LRP1B: variants seen among roughly 807,000 people sequenced by gnomAD.
LRP1B encodes the protein LDL receptor related protein 1B.
LRP1B carries 217 observed loss-of-function variants against 556.6 expected under a neutral mutation model. The observed-to-expected ratio is 0.39, with a 90% CI of 0.35 to 0.44. The LOEUF is 0.44. LRP1B is among the 20% of genes least tolerant of loss of function. The probability of loss-of-function intolerance (pLI) is 1.00; values close to 1 mark genes in which losing one functional copy is unlikely to be tolerated. For missense variants in LRP1B, 5,053 were observed against 5,620.8 expected (o/e 0.90, Z 3.23); for synonymous variants, 2,047 against 1,865.8 (o/e 1.10, Z -2.50).
intron 41 of LRP1B, among the ~76,000 whole-genome samples, chr2:140,682,109 T>G (rs1685880152): frequency 6.6e-6 from 1 of 152,202 alleles, no homozygotes; most frequent in South Asian, 2.1e-4. Context: ...TATTAACAAC[T>G]GTAAAACAGT....
intron 3 of LRP1B, among the ~76,000 whole-genome samples, chr2:141,370,641 T>G (rs1689196695): frequency 6.6e-6 from 1 of 152,182 alleles, no homozygotes; most frequent in African/African-American, 2.4e-5. Context: ...GTGCAGAAGC[T>G]TTTTTGTTTA....
intron 32 of LRP1B, 44 bp from the exon 33 acceptor site, chr2:140,776,282 T>A (rs543565927): frequency 7.9e-6 from 10 of 1,263,990 alleles, no homozygotes; most frequent in Middle Eastern, 2.7e-4. Context: ...TATAATTATC[T>A]TATTAAATAA....
chr2:141,871,429 C>A (rs1221049315), intron 1 of LRP1B, among the ~76,000 whole-genome samples: 2 of 151,872 alleles, frequency 1.3e-5, no homozygotes, highest in African/African-American at 4.8e-5. Context: ...GTTTTTAAAT[C>A]TAATAGGCAA....
intron 23 of LRP1B, among the ~76,000 whole-genome samples, chr2:140,891,779 CA>C (rs1341906125): frequency 6.6e-6 from 1 of 152,104 alleles, no homozygotes; most frequent in Non-Finnish European, 1.5e-5. Flanking sequence ...AAGTATTGTT[CA>C]AACTTGTACA....
chr2:140,867,286 C>A (rs934993858), intron 27 of LRP1B, among the ~76,000 whole-genome samples: 2 of 151,900 alleles, frequency 1.3e-5, no homozygotes, highest in African/African-American at 4.8e-5. Flanking sequence ...TGTACCACCC[C>A]CTCTCTTCCC....
At chr2:142,096,198 C>T (rs1383483185) in intron 1 of LRP1B, among the ~76,000 whole-genome samples, 1 of 151,614 alleles carries the variant, frequency 6.6e-6, no homozygotes, top group East Asian at 1.9e-4. Context: ...AGAAATTTAT[C>T]AGTTTTGTGG....
intron 55 of LRP1B, among the ~76,000 whole-genome samples, chr2:140,500,010 C>T (rs766103341): frequency 6.6e-6 from 1 of 151,806 alleles, no homozygotes; most frequent in Non-Finnish European, 1.5e-5. Context: ...TTCTTTTCTG[C>T]TTCACTGGTT....
At chr2:141,969,919 T>A (rs1411522577) in intron 1 of LRP1B, among the ~76,000 whole-genome samples, 2 of 151,608 alleles carry the variant, frequency 1.3e-5, no homozygotes, top group Non-Finnish European at 3.0e-5. Context: ...GGGCTCTTTT[T>A]TTTTCCACAC....
intron 3 of LRP1B, among the ~76,000 whole-genome samples, chr2:141,278,259 G>A (rs578023519): frequency 2.6e-5 from 4 of 152,252 alleles, no homozygotes; most frequent in Non-Finnish European, 5.9e-5. Context: ...GTCACCTTGA[G>A]ATTATCCAAA....
At chr2:140,356,258 C>T (rs1231085481) in intron 75 of LRP1B, 84 bp downstream of exon 75, 1 of 1,344,324 alleles carries the variant, frequency 7.4e-7, no homozygotes. Context: ...AAAGTCAATC[C>T]CCTGTGATCT....
At chr2:140,898,757 C>G (rs1694019927) in intron 23 of LRP1B, 6 of 578,362 alleles carry the variant, frequency 1.0e-5, no homozygotes, top group African/African-American at 1.9e-5. Flanking sequence ...CCCTCAAGAC[C>G]CTGAGCCTCT....
chr2:141,867,717 C>G (rs1389627840), intron 1 of LRP1B, among the ~76,000 whole-genome samples: 1 of 152,062 alleles, frequency 6.6e-6, no homozygotes, highest in Admixed American at 6.6e-5. Flanking sequence ...AAAGGTAAGA[C>G]TTTTTCCAGT....
intron 35 of LRP1B, among the ~76,000 whole-genome samples, chr2:140,745,006 T>C (rs1249031099): frequency 6.6e-6 from 1 of 152,134 alleles, no homozygotes; most frequent in Non-Finnish European, 1.5e-5. Context: ...CTATTTACTG[T>C]TTAAAAAGAA....
intron 3 of LRP1B, among the ~76,000 whole-genome samples, chr2:141,314,785 C>T (rs1469879517): frequency 7.6e-5 from 10 of 131,084 alleles, no homozygotes; most frequent in Admixed American, 2.4e-4. Flanking sequence ...AGTGAGACCC[C>T]GTCTCAAAAG....
intron 84 of LRP1B, among the ~76,000 whole-genome samples, chr2:140,280,730 C>T (rs1439940685): frequency 6.6e-6 from 1 of 151,758 alleles, no homozygotes; most frequent in Non-Finnish European, 1.5e-5. Flanking sequence ...GTCTTCCTTC[C>T]TATTGAGCAT....
chr2:140,700,671 GT>G, intron 40 of LRP1B, 50 bp from the exon 41 acceptor site: 1 of 1,562,976 alleles, frequency 6.4e-7, no homozygotes, highest in East Asian at 2.3e-5. Context: ...TTTTTCTTTT[GT>G]TTTTGAAACA....
At chr2:142,022,602 G>A (rs181690928) in intron 1 of LRP1B, among the ~76,000 whole-genome samples, 2 of 152,008 alleles carry the variant, frequency 1.3e-5, no homozygotes, top group African/African-American at 4.8e-5. Flanking sequence ...CCATGTGAAA[G>A]GGGCTTAATG....
intron 16 of LRP1B, among the ~76,000 whole-genome samples, chr2:140,991,212 A>G (rs1697083863): frequency 6.6e-6 from 1 of 152,158 alleles, no homozygotes; most frequent in Non-Finnish European, 1.5e-5. Flanking sequence ...TATTATACAT[A>G]TGCACTTCAG....
chr2:140,869,220 T>A (rs891937723), intron 25 of LRP1B, among the ~76,000 whole-genome samples: 2 of 152,086 alleles, frequency 1.3e-5, no homozygotes, highest in Admixed American at 6.6e-5. Flanking sequence ...GAGCTTTTCA[T>A]TCATTCAATA....
Sources: allele counts gnomAD v4.1 joint callset (sites outside exome capture counted in the v4.1 genomes callset), GRCh38; gene constraint gnomAD v4.1.1; transcripts MANE v1.5; gene names NCBI Gene and HGNC (gene_info 2026-07-23, HGNC 2026-07-21).